COL6A2: variants seen among roughly 807,000 people sequenced by gnomAD.
COL6A2 encodes collagen type VI alpha 2 chain.
COL6A2 carries 90 observed loss-of-function variants against 124.9 expected under a neutral mutation model. The observed-to-expected ratio is 0.72, with a 90% CI of 0.61 to 0.86. The LOEUF (loss-of-function observed/expected upper bound fraction) is 0.86, where lower values mean the gene tolerates loss of function less well. COL6A2 is among the 40% of genes least tolerant of loss of function. The probability of loss-of-function intolerance (pLI) is 0.00; values close to 1 mark genes in which losing one functional copy is unlikely to be tolerated. For synonymous variants in COL6A2, 793 were observed against 618.2 expected, an observed-to-expected ratio of 1.28 and a Z score of -4.19; for missense variants, 1,607 against 1,502.5, an observed-to-expected ratio of 1.07 and a Z score of -1.15.
intron 26 of COL6A2, 104 bp downstream of exon 26, chr21:46,126,341 C>G (rs1019845067): frequency 6.6e-7 from 1 of 1,515,964 alleles, no homozygotes; most frequent in Non-Finnish European, 9.1e-7. Context: ...GAATGTGCAG[C>G]CCAGGATCTT....
At chr21:46,131,285 G>A (rs957070193) in intron 27 of COL6A2, among the ~76,000 whole-genome samples, 2 of 152,230 alleles carry the variant, frequency 1.3e-5, no homozygotes, top group Non-Finnish European at 2.9e-5. Flanking sequence ...TGTGGCTATG[G>A]CCAGGCCCCC....
intron 1 of COL6A2, among the ~76,000 whole-genome samples, chr21:46,100,470 C>A (rs907555883): frequency 6.6e-6 from 1 of 152,078 alleles, no homozygotes; most frequent in Non-Finnish European, 1.5e-5. Flanking sequence ...ACAGTAAGTA[C>A]ATTCATAGTG....
chr21:46,100,188 C>G (rs1033645082), intron 1 of COL6A2, among the ~76,000 whole-genome samples: 1 of 152,012 alleles, frequency 6.6e-6, no homozygotes, highest in African/African-American at 2.4e-5. Context: ...ATCTGCACAT[C>G]CCTGGCTCAA....
At chr21:46,128,704 G>GGCAGAGACGTT (rs2078712708) in intron 27 of COL6A2, among the ~76,000 whole-genome samples, 2 of 152,346 alleles carry the variant, frequency 1.3e-5, no homozygotes, top group South Asian at 4.1e-4. Flanking sequence ...GGAAAGAAAA[G>GGCAGAGACGTT]GCAGAGACGT....
chr21:46,131,079 TGAC>T (rs1348669155), intron 27 of COL6A2, among the ~76,000 whole-genome samples: 2 of 152,138 alleles, frequency 1.3e-5, no homozygotes, highest in Non-Finnish European at 2.9e-5. Flanking sequence ...GTACCAGCTG[TGAC>T]GACGTCCAGG....
intron 1 of COL6A2, among the ~76,000 whole-genome samples, chr21:46,102,811 G>A (rs914296362): frequency 6.6e-6 from 1 of 151,332 alleles, no homozygotes; most frequent in Non-Finnish European, 1.5e-5. Context: ...ACCAAATTTA[G>A]TTTACTATTA....
chr21:46,112,913 A>G, intron 4 of COL6A2, 89 bp downstream of exon 4: 1 of 1,546,688 alleles, frequency 6.5e-7, no homozygotes, highest in South Asian at 1.1e-5. Flanking sequence ...TGGCGCCTCC[A>G]GGCTGGAACA....
At chr21:46,118,893 C>A in intron 13 of COL6A2, 137 bp from the exon 14 acceptor site, 1 of 930,130 alleles carries the variant, frequency 1.1e-6, no homozygotes, top group Non-Finnish European at 1.7e-6. Flanking sequence ...TTCCAGGGGA[C>A]CCTGCAGGGC....
At position 46,132,444 on chromosome 21, in the gene COL6A2, G is replaced by A; in HGVS notation, c.2952G>A (p.Val984=). 2 of 1,606,116 alleles carry A rather than the reference G, an allele frequency of 1.2e-6. No homozygotes were observed. The highest frequency in any genetic ancestry group is 1.7e-6 in the Non-Finnish European group (2 of 1,176,676). The change falls in exon 28 of 28, where the codon GTG becomes GTA. Residue 984 remains valine, a synonymous_variant. Transcript: ENST00000300527. ...LALGSDVDMD[V]LTTLSLGDRA... Reference sequence around the variant, plus strand: ...TGGGCAGCGACGTGGACATGGACGTGCTCACCACGCTCAGCCTGGGTGACC... The same window carrying A: ...TGGGCAGCGACGTGGACATGGACGTACTCACCACGCTCAGCCTGGGTGACC...
At position 46,132,600 on chromosome 21, in the gene COL6A2, C is replaced by G. The variant is rs201527206; in HGVS notation, c.*48C>G. The G allele has an allele frequency of 1.6e-5, 25 of 1,532,578 alleles. No individual in the cohort carries two copies. The Admixed American group carries it at 2.8e-4, about 17-fold the overall frequency. The allele number at this position is 1,532,578 out of a possible 1,614,324, so 94.9% of individuals were successfully genotyped here. On this transcript the variant is annotated 3_prime_UTR_variant, in exon 28 of 28. Transcript: ENST00000300527. ...TCGAGGGTCGTGAGCCCACCCCGTC[C>G]ATGGTGCTAAGCGGGCCCGGGTCCC... is the stretch of plus-strand genomic sequence containing the variant.
In COL6A2 at chr21:46,112,128, C is replaced by T. The variant is rs1555871390; in HGVS notation, c.265C>T (p.Gln89Ter). ...GCTGCAGAACGAGTTCTACCTGGAC[C>T]AGGTGGCGCTGAGCTGGCGCTACGG... ...SQLQNEFYLD[Q>*]VALSWRYGGL... Residue 89 changes from glutamine to a stop codon, truncating the protein, a stop_gained, in exon 3 of 28, where the codon CAG (glutamine) becomes TAG (stop). Transcript: ENST00000300527. LOFTEE classifies it high-confidence loss of function. 2 of 1,613,206 alleles carry T rather than the reference C, an allele frequency of 1.2e-6. No homozygotes were observed. Among genetic ancestry groups the T allele is most frequent in the Non-Finnish European group, 1.7e-6 (2 of 1,180,038 alleles).
In COL6A2 at chr21:46,129,119, G is replaced by A. The variant is rs947127230; in HGVS notation, c.2461+2578G>A. The A allele has an allele frequency of 5.0e-6, 8 of 1,607,420 alleles. No individual in the cohort carries two copies. The Admixed American group carries it at 8.3e-5, about 17-fold the overall frequency. On this transcript the variant is annotated intron_variant, in intron 27 of 27. Transcript: ENST00000300527. ...TGCCGCTCTTCACTCTGGCCTCGCT[G>A]AGCGGCTGCCCGAGGAGGAGCTCTA...
Position 46,118,618 on chromosome 21 carries a change from A to G in COL6A2, c.1121A>G (p.Asp374Gly), listed in dbSNP as rs766617171. The part of the protein sequence containing the change: ...GERGDQGGKG[D>G]PGRPGRRGPP... The stretch of plus-strand genomic sequence containing the variant: ...TGATTCTGCAAACCCTTCCAGGGGG[A>G]CCCTGGCCGCCCAGGACGCAGAGGG... Residue 374 changes from aspartate (D) to glycine (G), a missense_variant, in exon 13 of 28, where the codon GAC (aspartate) becomes GGC (glycine). Asp to Gly is a moderately conservative substitution (Grantham distance 94). Around this residue, in one of 3 missense-constraint regions of COL6A2, gnomAD observed 1,223 missense variants for 1,052.2 expected, o/e 1.16. Transcript: ENST00000300527. 1.1e-5 allele frequency: 18 copies of G among 1,612,322 alleles called. No homozygotes were observed. Among genetic ancestry groups the G allele is most frequent in the Non-Finnish European group, 1.4e-5 (17 of 1,179,802 alleles).
Position 46,132,007 on chromosome 21 carries a change from G to A in COL6A2, c.2515G>A (p.Asp839Asn), listed in dbSNP as rs1239304931. ...GCCCGTGGACATCGTCTTCCTGCTG[G>A]ACGGCTCCGAGCGGCTGGGTGAGCA... The part of the protein sequence containing the change: ...QRPVDIVFLL[D>N]GSERLGEQNF... The change falls in exon 28 of 28, where the codon GAC becomes AAC. Residue 839 changes from aspartate to asparagine, a missense_variant. By Grantham distance (23) the Asp-to-Asn change is conservative. This residue lies in a region of COL6A2 where 1,223 missense variants were observed against 1,052.2 expected (regional missense o/e 1.16). Coordinates refer to ENST00000300527, the MANE Select transcript of COL6A2 (RefSeq NM_001849.4). 2 of 1,610,240 alleles carry A rather than the reference G, an allele frequency of 1.2e-6. No individual in the cohort carries two copies. Among genetic ancestry groups the A allele is most frequent in the East Asian group, 2.2e-5 (1 of 44,852 alleles).
intron 16 of COL6A2, among the ~76,000 whole-genome samples, chr21:46,120,828 CA>C (rs1469323825): frequency 1.3e-5 from 2 of 152,076 alleles, no homozygotes; most frequent in Non-Finnish European, 2.9e-5. Flanking sequence ...GTGAGGGCTG[CA>C]ACCCAAGATA....
chr21:46,123,740 ATGGATGGC>A (rs1331409688), intron 21 of COL6A2, among the ~76,000 whole-genome samples: 1 of 120,624 alleles, frequency 8.3e-6, no homozygotes, highest in African/African-American at 2.9e-5. Flanking sequence ...TGGTTAGATG[ATGGATGGC>A]TGAATGGATG....
rs755822013 is a variant in COL6A2, at chr21:46,116,380, G to A, written c.904G>A (p.Val302Ile). The change falls in exon 8 of 28, where the codon GTT becomes ATT. Residue 302 changes from valine to isoleucine, a missense_variant. By Grantham distance (29) the Val-to-Ile change is conservative. Coordinates refer to ENST00000300527, the MANE Select transcript of COL6A2 (RefSeq NM_001849.4). This position sits in a 1 kb window ranked among gnomAD's most constrained non-coding sequence, Gnocchi z 4.6. The part of the protein sequence containing the change: ...GPIGFPGPKG[V>I]PGFKGEKGEF... ...CCCTCTCTCCTCCTGCCCCCAGGGC[G>A]TTCCTGGCTTCAAAGGAGAGAAGGT... 3.7e-5 allele frequency: 60 copies of A among 1,612,862 alleles called. No homozygotes were observed. The highest frequency in any genetic ancestry group is 5.5e-5 in the South Asian group (5 of 91,076).
At chr21:46,127,674 A>G (rs1246573627) in intron 27 of COL6A2, among the ~76,000 whole-genome samples, 36 of 151,946 alleles carry the variant, frequency 2.4e-4, no homozygotes, top group Admixed American at 2.3e-3. Context: ...AAGTCTCGGG[A>G]CCCCATGATG....
Position 46,116,675 on chromosome 21 carries a change from A to G in COL6A2, c.952A>G (p.Lys318Glu). ...GGGTGAATTTGGAGCCGACGGTCGC[A>G]AGGTAGGCTGGCTGGGTAGGCAGAG... ...EKGEFGADGRKGAPGLAGKNG... is the reference protein window; with the variant it reads ...EKGEFGADGREGAPGLAGKNG... Residue 318 changes from lysine to glutamate, a missense_variant and splice_region_variant, in exon 9 of 28, where the codon AAG becomes GAG. Around this residue, in one of 3 missense-constraint regions of COL6A2, gnomAD observed 1,223 missense variants for 1,052.2 expected, o/e 1.16. Transcript: ENST00000300527. The surrounding 1 kb of genome is among the most constrained non-coding windows in gnomAD (Gnocchi z 4.6). 1 of 1,613,016 alleles carries G rather than the reference A, an allele frequency of 6.2e-7. No individual in the cohort carries two copies. Among genetic ancestry groups the G allele is most frequent in the Non-Finnish European group, 8.5e-7 (1 of 1,180,024 alleles).
Sources: allele counts gnomAD v4.1 joint callset (sites outside exome capture counted in the v4.1 genomes callset), GRCh38; gene constraint gnomAD v4.1.1; regional missense constraint gnomAD v4.1.1; non-coding constraint Gnocchi (gnomAD v3.1); transcripts MANE v1.5; gene names NCBI Gene and HGNC (gene_info 2026-07-23, HGNC 2026-07-21).